Variants in DENND2C observed in about 807,000 individuals in gnomAD.
DENND2C encodes the protein DENN domain-containing protein 2C.
DENND2C carries 72 observed loss-of-function variants against 112.4 expected under a neutral mutation model. The ratio of observed to expected loss-of-function variants is 0.64; its 90% CI spans 0.53 to 0.78. The LOEUF (loss-of-function observed/expected upper bound fraction) is 0.78, where lower values mean the gene tolerates loss of function less well. Among genes scored for constraint, DENND2C ranks in the 30% least tolerant of loss-of-function variants. The pLI, the probability that DENND2C is intolerant of heterozygous loss-of-function variation, is 0.00. For missense variants in DENND2C, 992 were observed against 1,113.8 expected, an observed-to-expected ratio of 0.89 and a Z score of 1.56; for synonymous variants, 329 against 381.6, an observed-to-expected ratio of 0.86 and a Z score of 1.61.
chr1:114,587,982 A>T, intron 18 of DENND2C, 30 bp from the exon 19 acceptor site: 1 of 1,590,234 alleles, frequency 6.3e-7, no homozygotes, highest in Non-Finnish European at 8.6e-7. Flanking sequence ...AAAAAAAGAA[A>T]AAAATCTCCT....
intron 1 of DENND2C, among the ~76,000 whole-genome samples, chr1:114,659,164 T>A (rs1420327781): frequency 6.6e-6 from 1 of 152,172 alleles, no homozygotes; most frequent in East Asian, 1.9e-4. Flanking sequence ...TCTCTCTATA[T>A]TTTATTTTGT....
chr1:114,624,782 C>T (rs796588604), intron 4 of DENND2C, among the ~76,000 whole-genome samples: 4 of 151,734 alleles, frequency 2.6e-5, no homozygotes, highest in African/African-American at 9.7e-5. Flanking sequence ...CCACCACGCC[C>T]AGCTAATTTT....
intron 11 of DENND2C, among the ~76,000 whole-genome samples, chr1:114,604,393 T>A (rs1454778331): frequency 1.3e-5 from 2 of 152,204 alleles, no homozygotes; most frequent in Non-Finnish European, 2.9e-5. Flanking sequence ...AAAGTAGTAA[T>A]TTCCTCTAGA....
At chr1:114,627,730 T>C (rs1656385066) in intron 3 of DENND2C, among the ~76,000 whole-genome samples, 1 of 152,174 alleles carries the variant, frequency 6.6e-6, no homozygotes, top group Non-Finnish European at 1.5e-5. Flanking sequence ...AAAGATCTAA[T>C]CTGCTACTGT....
At chr1:114,657,429 G>T (rs1323245693) in intron 1 of DENND2C, among the ~76,000 whole-genome samples, 2 of 152,112 alleles carry the variant, frequency 1.3e-5, no homozygotes, top group Admixed American at 6.6e-5. Context: ...GACATTTTAG[G>T]TAAGTCCTCA....
intron 16 of DENND2C, 25 bp from the exon 17 acceptor site, chr1:114,595,898 G>C (rs2101644411): frequency 6.2e-7 from 1 of 1,611,656 alleles, no homozygotes; most frequent in Non-Finnish European, 8.5e-7. Context: ...AGCCAGGCAA[G>C]TTCAACCAGA....
At chr1:114,632,680 A>G (rs566988311) in intron 3 of DENND2C, among the ~76,000 whole-genome samples, 1 of 152,352 alleles carries the variant, frequency 6.6e-6, no homozygotes, top group Non-Finnish European at 1.5e-5. Flanking sequence ...GTGCCTTTAA[A>G]GGTACACATA....
intron 1 of DENND2C, among the ~76,000 whole-genome samples, chr1:114,662,739 C>T (rs1309711339): frequency 3.9e-5 from 6 of 152,132 alleles, no homozygotes; most frequent in East Asian, 3.9e-4. Flanking sequence ...GGGAGGATCC[C>T]GAGGTCGGGA....
In DENND2C at chr1:114,645,470, A is replaced by G. The variant is rs1432471853; in HGVS notation, c.-227T>C. On this transcript the variant is annotated 5_prime_UTR_variant, in exon 3 of 21. Coordinates refer to ENST00000393274, the MANE Select transcript of DENND2C (RefSeq NM_001256404.2). ...TACCCTGTTGGCACCTTGATGTTAG[A>G]TTTCTACAGCCTCCAGACTTGTGAG... is the stretch of plus-strand genomic sequence containing the variant. 1 of 152,204 alleles carries G rather than the reference A, an allele frequency of 6.6e-6. No homozygotes were observed. The allele number at this position is 152,204 out of a possible 1,614,324, so 9.4% of individuals were successfully genotyped here.
At chr1:114,640,575 A>G (rs545386549) in intron 3 of DENND2C, among the ~76,000 whole-genome samples, 1 of 152,326 alleles carries the variant, frequency 6.6e-6, no homozygotes, top group East Asian at 1.9e-4. Flanking sequence ...TATGGTCAGA[A>G]ACTTGTGGAA....
intron 12 of DENND2C, 45 bp downstream of exon 12, chr1:114,602,080 T>C: frequency 6.3e-7 from 1 of 1,595,876 alleles, no homozygotes; most frequent in Non-Finnish European, 8.6e-7. Flanking sequence ...TCTGACTCAA[T>C]TATTCCTTGA....
At chr1:114,616,593 G>A (rs1442698328) in intron 8 of DENND2C, among the ~76,000 whole-genome samples, 1 of 151,998 alleles carries the variant, frequency 6.6e-6, no homozygotes, top group Non-Finnish European at 1.5e-5. Context: ...GGTGGCTCAT[G>A]TCTGTAATCC....
At chr1:114,586,649 G>A (rs533014030) in intron 20 of DENND2C, 9 of 151,546 alleles carry the variant, frequency 5.9e-5, no homozygotes, top group Non-Finnish European at 1.3e-4. Context: ...AAGCTTTTGT[G>A]ATGAGGCCCA....
intron 7 of DENND2C, among the ~76,000 whole-genome samples, chr1:114,619,637 A>C (rs1301644730): frequency 6.6e-6 from 1 of 152,196 alleles, no homozygotes; most frequent in Non-Finnish European, 1.5e-5. Flanking sequence ...TTCAAGTGAA[A>C]AATTGCCAAT....
At chr1:114,611,017 C>T (rs1450818694) in intron 9 of DENND2C, 56 bp downstream of exon 9, 4 of 1,588,324 alleles carry the variant, frequency 2.5e-6, no homozygotes, top group Admixed American at 1.7e-5. Flanking sequence ...GTAGGTGCCA[C>T]TCCACCTAAC....
Position 114,602,169 on chromosome 1 carries a change from C to T in DENND2C, c.1693G>A (p.Gly565Ser). The T allele has an allele frequency of 3.7e-6, 6 of 1,613,854 alleles. No individual in the cohort carries two copies. The highest frequency in any genetic ancestry group is 1.1e-5 in the South Asian group (1 of 91,036). ...KSETFSFVLTGEDGSRWFGYC... is the reference protein window; with the variant it reads ...KSETFSFVLTSEDGSRWFGYC... ...CCAAACCACCGGCTTCCATCTTCACCAGTCAAGACAAAGGAGAATGTTTCA... is the reference window on the plus strand; with the variant it reads ...CCAAACCACCGGCTTCCATCTTCACTAGTCAAGACAAAGGAGAATGTTTCA... Residue 565 changes from glycine (G) to serine (S), a missense_variant, in exon 12 of 21, where the codon GGT becomes AGT. Gly to Ser is a moderately conservative substitution (Grantham distance 56, BLOSUM62 0). Around this residue, in one of 3 missense-constraint regions of DENND2C, gnomAD observed 516 missense variants for 623.6 expected, o/e 0.83. Transcript: ENST00000393274.
At position 114,623,563 on chromosome 1, in the gene DENND2C, G is replaced by T; in HGVS notation, c.887C>A (p.Ser296Tyr). 1 of 1,610,268 alleles carries T rather than the reference G, an allele frequency of 6.2e-7. No homozygotes were observed. Among genetic ancestry groups the T allele is most frequent in the Non-Finnish European group, 8.5e-7 (1 of 1,178,222 alleles). The part of the protein sequence containing the change: ...QTIREELGRN[S>Y]GSALYYTQSE... ...CTGTGTGTAATAAAGTGCTGACCCA[G>T]AATTTCTTCCAAGTTCTTCACGAAT... is the stretch of plus-strand genomic sequence containing the variant. Residue 296 changes from serine to tyrosine, a missense_variant, in exon 5 of 21, where the codon TCT becomes TAT. Coordinates refer to ENST00000393274, the MANE Select transcript of DENND2C (RefSeq NM_001256404.2).
Position 114,623,516 on chromosome 1 carries a change from C to T in DENND2C, c.934G>A (p.Asp312Asn), listed in dbSNP as rs199773157. ...YTQSEDNIYE[D>N]IIYPTKENPY... The stretch of plus-strand genomic sequence containing the variant: ...AGTTGTCAACACCTACATATGATAT[C>T]TTCATAGATATTGTCCTCAGACTGT... Residue 312 changes from aspartate (D) to asparagine (N), a missense_variant, in exon 5 of 21, where the codon GAT becomes AAT. By Grantham distance (23) the Asp-to-Asn change is conservative. Transcript: ENST00000393274. The T allele has an allele frequency of 2.4e-4, 386 of 1,602,826 alleles. No homozygotes were observed. The highest frequency in any genetic ancestry group is 3.1e-4 in the Non-Finnish European group (366 of 1,175,590).
chr1:114,604,872 T>C lies in DENND2C; in HGVS notation c.1667+50A>G, dbSNP rs763714204. The C allele has an allele frequency of 3.4e-5, 45 of 1,340,470 alleles. No individual in the cohort carries two copies. In the African/African-American group the frequency reaches 5.3e-4, roughly 16 times the overall value. 83.0% of individuals were successfully genotyped at this position (1,340,470 alleles called of 1,614,324 possible). A position where few individuals can be genotyped will look rare whatever the true frequency, so the allele number is the denominator to read the frequency against. ...GTACCCATTTCTCAAATACTCTGATTTATTTTTGCAGGTCTAATGAATAGA... is the reference window on the plus strand; with the variant it reads ...GTACCCATTTCTCAAATACTCTGATCTATTTTTGCAGGTCTAATGAATAGA... On this transcript the variant is annotated intron_variant, in intron 11 of 20. Transcript: ENST00000393274.
Sources: gnomAD v4.1 joint callset for allele counts (sites outside exome capture counted in the v4.1 genomes callset) on GRCh38, gnomAD v4.1.1 for gene constraint, gnomAD v4.1.1 regional missense constraint, MANE v1.5 for transcripts, NCBI Gene and HGNC (gene_info 2026-07-23, HGNC 2026-07-21) for gene names.